The following POLK variants were observed in gnomAD, a reference collection of about 807,000 sequenced individuals.
POLK encodes polymerase (DNA directed) kappa.
A neutral mutation model predicts 94.0 loss-of-function variants in POLK; 76 were observed. That is an observed-to-expected ratio of 0.81 (90% confidence interval 0.67 to 0.98). The LOEUF (loss-of-function observed/expected upper bound fraction) is 0.98. POLK is among the 50% of genes least tolerant of loss of function. The probability of loss-of-function intolerance (pLI) is 0.00; values close to 1 mark genes in which losing one functional copy is unlikely to be tolerated. For missense variants in POLK, 954 were observed against 1,010.1 expected (o/e 0.94, Z 0.75); for synonymous variants, 349 against 325.4 (o/e 1.07, Z -0.78).
chr5:75,543,461 C>T (rs150126172), intron 1 of POLK, among the ~76,000 whole-genome samples: 22 of 152,238 alleles, frequency 1.4e-4, no homozygotes, highest in African/African-American at 5.1e-4. Context: ...AACGATGACT[C>T]CTGGGTTATT....
At chr5:75,541,007 G>A (rs1769708824) in intron 1 of POLK, among the ~76,000 whole-genome samples, 1 of 152,102 alleles carries the variant, frequency 6.6e-6, no homozygotes, top group East Asian at 1.9e-4. Flanking sequence ...TTGGAGGCTC[G>A]GCGCAGTGGC....
chr5:75,572,890 T>C (rs1771666661), intron 4 of POLK, among the ~76,000 whole-genome samples: 1 of 152,020 alleles, frequency 6.6e-6, no homozygotes, highest in South Asian at 2.1e-4. Context: ...TGTGGAGAAA[T>C]AGGAACACTT....
intron 1 of POLK, among the ~76,000 whole-genome samples, chr5:75,520,680 T>C (rs561886725): frequency 1.3e-5 from 2 of 152,348 alleles, no homozygotes; most frequent in South Asian, 4.1e-4. Flanking sequence ...ATTACAGGCA[T>C]GAACCACAGT....
chr5:75,525,916 T>C (rs1768818299), intron 1 of POLK, among the ~76,000 whole-genome samples: 2 of 152,232 alleles, frequency 1.3e-5, no homozygotes, highest in African/African-American at 4.8e-5. Flanking sequence ...TGAGTACCTC[T>C]TGTGATCATG....
Position 75,520,835 on chromosome 5 carries a change from G to A in POLK, c.-14+8921G>A, listed in dbSNP as rs1768542268. ...GAATTTTCTCAGTGCTTGTTTGTCT[G>A]GGAAAGACTTTATCTTTCCTTTTTT... On this transcript the variant is annotated intron_variant, in intron 1 of 14. Transcript: ENST00000241436. Among the ~76,000 whole-genome samples the A allele has an allele frequency of 3.3e-5, 5 of 152,062 alleles. No homozygotes were observed. The South Asian group carries it at 1.0e-3, about 32-fold the overall frequency.
chr5:75,602,796 C>G (rs1773324145), downstream of POLK, among the ~76,000 whole-genome samples: 1 of 152,102 alleles, frequency 6.6e-6, no homozygotes, highest in Non-Finnish European at 1.5e-5. Context: ...TTTACATTGT[C>G]CCTGTAATAT....
chr5:75,518,859 A>G lies in POLK; in HGVS notation c.-14+6945A>G, dbSNP rs1293047879. Reference sequence around the variant, plus strand: ...AGAATATTTTTAAATTCCCTTCTTAAATAGAGACAGCGTCTCACTTTGTCA... The same window carrying G: ...AGAATATTTTTAAATTCCCTTCTTAGATAGAGACAGCGTCTCACTTTGTCA... On this transcript the variant is annotated intron_variant, in intron 1 of 14. Coordinates refer to ENST00000241436, the Ensembl canonical transcript of POLK. Among the ~76,000 whole-genome samples, 3 of 152,318 alleles carry G rather than the reference A, an allele frequency of 2.0e-5. No individual in the cohort carries two copies. The East Asian group carries it at 5.8e-4, about 29-fold the overall frequency.
At chr5:75,522,861 A>G (rs1768652345) in intron 1 of POLK, among the ~76,000 whole-genome samples, 1 of 134,808 alleles carries the variant, frequency 7.4e-6, no homozygotes, top group Non-Finnish European at 1.6e-5. Context: ...TTATTCTGTT[A>G]AAAAAAAAGA....
At chr5:75,573,175 A>G (rs1771683916) in intron 4 of POLK, among the ~76,000 whole-genome samples, 2 of 152,178 alleles carry the variant, frequency 1.3e-5, no homozygotes, top group African/African-American at 4.8e-5. Context: ...ATGGAATACT[A>G]TGCAGCCATA....
intron 12 of POLK, among the ~76,000 whole-genome samples, chr5:75,595,743 G>C (rs182089487): frequency 6.6e-6 from 1 of 152,148 alleles, no homozygotes; most frequent in African/African-American, 2.4e-5. Flanking sequence ...TGTTGTGGCA[G>C]TGTAGGTTTA....
intron 1 of POLK, among the ~76,000 whole-genome samples, chr5:75,536,630 G>A (rs576411294): frequency 6.6e-6 from 1 of 151,774 alleles, no homozygotes; most frequent in African/African-American, 2.4e-5. Context: ...CCTGCCCCCT[G>A]GGTGTTTGCT....
At chr5:75,518,867 C>T (rs1009679313) in intron 1 of POLK, among the ~76,000 whole-genome samples, 14 of 152,166 alleles carry the variant, frequency 9.2e-5, no homozygotes, top group Non-Finnish European at 1.6e-4. Context: ...TAAATAGAGA[C>T]AGCGTCTCAC....
intron 12 of POLK, among the ~76,000 whole-genome samples, chr5:75,595,248 G>GAACAAAAAAAAA (rs1773006764): frequency 4.0e-5 from 1 of 24,880 alleles, no homozygotes. Flanking sequence ...CTCCACCTCA[G>GAACAAAAAAAAA]AAAAAAAAAA....
rs560117642 is a variant in POLK, at chr5:75,581,506, A to G, written c.934+58A>G. On this transcript the variant is annotated intron_variant, in intron 7 of 14. Coordinates refer to ENST00000241436, the Ensembl canonical transcript of POLK. The stretch of plus-strand genomic sequence containing the variant: ...TATAATTTTCAGACTGGCTAATTTA[A>G]GTGTAATATTAGTAGTTTCTCATTA... The G allele has an allele frequency of 1.1e-5, 15 of 1,399,324 alleles. No individual in the cohort carries two copies. In the South Asian group the frequency reaches 1.7e-4, roughly 16 times the overall value. 86.7% of individuals were successfully genotyped at this position (1,399,324 alleles called of 1,614,324 possible). A position where few individuals can be genotyped will look rare whatever the true frequency, so the allele number is the denominator to read the frequency against.
At chr5:75,537,481 C>A (rs1439807000) in intron 1 of POLK, among the ~76,000 whole-genome samples, 1 of 152,220 alleles carries the variant, frequency 6.6e-6, no homozygotes, top group Non-Finnish European at 1.5e-5. Context: ...CTTGATAGAT[C>A]TCAACGTTGT....
rs191045642 is a variant in POLK at position 75,586,862 on chromosome 5, T to A, written c.1227-164T>A. On this transcript the variant is annotated intron_variant, in intron 9 of 14. Coordinates refer to ENST00000241436, the Ensembl canonical transcript of POLK. The stretch of plus-strand genomic sequence containing the variant: ...CATATTAGCATCTTACCTACCTATG[T>A]TCTTTGGTGATTTGTTTTTAGATAA... Among the ~76,000 whole-genome samples the A allele has an allele frequency of 2.0e-5, 3 of 152,244 alleles. No individual in the cohort carries two copies. In the East Asian group the frequency reaches 5.8e-4, roughly 29 times the overall value.
intron 12 of POLK, among the ~76,000 whole-genome samples, chr5:75,594,430 G>A (rs1772962019): frequency 6.6e-6 from 1 of 152,172 alleles, no homozygotes; most frequent in South Asian, 2.1e-4. Flanking sequence ...GATGTGTGAA[G>A]CCATGATCAT....
chr5:75,579,578 G>A (rs961071241), intron 6 of POLK, among the ~76,000 whole-genome samples: 3 of 151,280 alleles, frequency 2.0e-5, no homozygotes, highest in African/African-American at 4.9e-5. Context: ...GGCTGGTCTC[G>A]AACTCCTGAC....
At chr5:75,542,676 C>CAT (rs1293924301) in intron 1 of POLK, among the ~76,000 whole-genome samples, 2 of 146,632 alleles carry the variant, frequency 1.4e-5, no homozygotes, top group Admixed American at 6.8e-5. Context: ...CACATATATA[C>CAT]ATATATATAC....
Sources: gnomAD v4.1 joint callset for allele counts (sites outside exome capture counted in the v4.1 genomes callset) on GRCh38, gnomAD v4.1.1 for gene constraint, MANE v1.5 for transcripts, NCBI Gene and HGNC (gene_info 2026-07-23, HGNC 2026-07-21) for gene names.